EFNA5: variants seen among roughly 807,000 people sequenced by gnomAD.
EFNA5 encodes the protein ephrin A5.
In EFNA5, 5 loss-of-function variants were observed where a neutral mutation model predicts 22.9. The ratio of observed to expected loss-of-function variants is 0.22; its 90% CI spans 0.11 to 0.46. The LOEUF is 0.46. EFNA5 is among the 20% of genes least tolerant of loss of function. The pLI, the probability that EFNA5 is intolerant of heterozygous loss-of-function variation, is 0.99. For missense variants in EFNA5, 237 were observed against 293.3 expected (o/e 0.81, Z 1.40); for synonymous variants, 113 against 112.2 (o/e 1.01, Z -0.04).
At chr5:107,502,586 G>A (rs779456144) in intron 1 of EFNA5, among the ~76,000 whole-genome samples, 1 of 152,208 alleles carries the variant, frequency 6.6e-6, no homozygotes, top group African/African-American at 2.4e-5. Flanking sequence ...TGAAAAGCAT[G>A]TACATGGGGT....
intron 1 of EFNA5, among the ~76,000 whole-genome samples, chr5:107,605,733 A>G (rs552262885): frequency 6.6e-6 from 1 of 152,296 alleles, no homozygotes; most frequent in South Asian, 2.1e-4. Context: ...TTTAAACAAC[A>G]CAGAGATTGC....
At chr5:107,549,466 G>C (rs1748237602) in intron 1 of EFNA5, among the ~76,000 whole-genome samples, 2 of 152,212 alleles carry the variant, frequency 1.3e-5, no homozygotes, top group Admixed American at 1.3e-4. Context: ...TTGTTAATAA[G>C]TAGCAGCTTG....
At chr5:107,576,266 A>G (rs1320781854) in intron 1 of EFNA5, among the ~76,000 whole-genome samples, 4 of 152,204 alleles carry the variant, frequency 2.6e-5, no homozygotes, top group African/African-American at 4.8e-5. Flanking sequence ...ACTATCCCCA[A>G]TCCAGTAACT....
chr5:107,656,512 TTTATTTGTAA>T (rs1750828604), intron 1 of EFNA5, among the ~76,000 whole-genome samples: 1 of 152,158 alleles, frequency 6.6e-6, no homozygotes, highest in Non-Finnish European at 1.5e-5. Context: ...TAAAATAAGT[TTTATTTGTAA>T]GAATGTATTT....
At chr5:107,566,112 C>T (rs1748662005) in intron 1 of EFNA5, among the ~76,000 whole-genome samples, 2 of 152,162 alleles carry the variant, frequency 1.3e-5, no homozygotes, top group Admixed American at 1.3e-4. Flanking sequence ...AAAAACTCCA[C>T]CTTATGGGCT....
intron 1 of EFNA5, among the ~76,000 whole-genome samples, chr5:107,487,936 C>CA (rs1223302035): frequency 6.6e-6 from 1 of 152,172 alleles, no homozygotes; most frequent in Non-Finnish European, 1.5e-5. Context: ...TTATATCCAA[C>CA]ATTACATGGG....
At chr5:107,616,608 G>GTGTGTA (rs1407636526) in intron 1 of EFNA5, among the ~76,000 whole-genome samples, 1 of 152,144 alleles carries the variant, frequency 6.6e-6, no homozygotes, top group Non-Finnish European at 1.5e-5. Flanking sequence ...GTGTATGTGC[G>GTGTGTA]TGTGTATGTG....
At chr5:107,482,826 G>GTCTCTC (rs1161742136) in intron 1 of EFNA5, among the ~76,000 whole-genome samples, 1 of 64,978 alleles carries the variant, frequency 1.5e-5, no homozygotes, top group African/African-American at 5.0e-5. Flanking sequence ...CTCTCTCTCT[G>GTCTCTC]TCTCTGTCTC....
chr5:107,661,488 C>T (rs1750960090), intron 1 of EFNA5, among the ~76,000 whole-genome samples: 1 of 152,212 alleles, frequency 6.6e-6, no homozygotes, highest in Non-Finnish European at 1.5e-5. Context: ...TGGCTCAGGA[C>T]ACTTGTGTGC....
At chr5:107,556,987 G>T (rs568073236) in intron 1 of EFNA5, among the ~76,000 whole-genome samples, 1 of 151,586 alleles carries the variant, frequency 6.6e-6, no homozygotes, top group Non-Finnish European at 1.5e-5. Flanking sequence ...TAAATGACCC[G>T]GTATGTGGCA....
intron 1 of EFNA5, among the ~76,000 whole-genome samples, chr5:107,562,553 C>T (rs143350206): frequency 1.6e-3 from 236 of 152,162 alleles, no homozygotes; most frequent in Admixed American, 3.0e-3. Context: ...TTGGTATGTT[C>T]TAGCTTGGTC....
At chr5:107,430,481 A>G (rs1748918647) in intron 1 of EFNA5, among the ~76,000 whole-genome samples, 1 of 152,062 alleles carries the variant, frequency 6.6e-6, no homozygotes. Flanking sequence ...TAAAACTGCC[A>G]TTGTCTGGAC....
intron 2 of EFNA5, among the ~76,000 whole-genome samples, chr5:107,399,792 A>C (rs950068980): frequency 5.9e-5 from 9 of 152,240 alleles, no homozygotes; most frequent in Non-Finnish European, 1.0e-4. Flanking sequence ...TTAAAGAATC[A>C]AAACCATAGA....
At chr5:107,489,884 A>G (rs1413380485) in intron 1 of EFNA5, among the ~76,000 whole-genome samples, 1 of 152,200 alleles carries the variant, frequency 6.6e-6, no homozygotes, top group African/African-American at 2.4e-5. Context: ...ATCCTGAGAT[A>G]AGAGGGGACC....
At chr5:107,405,574 T>C (rs1748186924) in intron 2 of EFNA5, among the ~76,000 whole-genome samples, 1 of 152,186 alleles carries the variant, frequency 6.6e-6, no homozygotes, top group Non-Finnish European at 1.5e-5. Context: ...ACCATCTGTT[T>C]GCCAAAAATT....
chr5:107,555,339 C>T (rs1338072268), intron 1 of EFNA5, among the ~76,000 whole-genome samples: 2 of 152,160 alleles, frequency 1.3e-5, no homozygotes, highest in African/African-American at 4.8e-5. Flanking sequence ...TAATCCTGTT[C>T]GTGCAGCTAC....
rs557214926 is a variant in EFNA5, at chr5:107,489,590, C to A, written c.126-62081G>T. Among the ~76,000 whole-genome samples the A allele has an allele frequency of 5.9e-5, 9 of 152,100 alleles. No homozygotes were observed. The East Asian group carries it at 9.7e-4, about 16-fold the overall frequency. On this transcript the variant is annotated intron_variant, in intron 1 of 4. Transcript: ENST00000333274. ...ACCTAAGTTCACATTCTAAAAGGTACCTGGAACCTCAGGTGCCTTCACTGG... is the reference window on the plus strand; with the variant it reads ...ACCTAAGTTCACATTCTAAAAGGTAACTGGAACCTCAGGTGCCTTCACTGG...
chr5:107,443,303 G>C (rs764657143), intron 1 of EFNA5, among the ~76,000 whole-genome samples: 3 of 152,180 alleles, frequency 2.0e-5, no homozygotes, highest in African/African-American at 4.8e-5. Flanking sequence ...AGTAAACAAA[G>C]AGTTGGAAAG....
intron 1 of EFNA5, among the ~76,000 whole-genome samples, chr5:107,469,134 T>C (rs572580595): frequency 2.0e-5 from 3 of 152,238 alleles, no homozygotes; most frequent in East Asian, 3.9e-4. Context: ...TTCAAGATGG[T>C]AGCAGCACAA....
Sources: allele counts gnomAD v4.1 joint callset (sites outside exome capture counted in the v4.1 genomes callset), GRCh38; gene constraint gnomAD v4.1.1; transcripts MANE v1.5; gene names NCBI Gene and HGNC (gene_info 2026-07-23, HGNC 2026-07-21).